Variants in SKAP1 observed in about 807,000 individuals in gnomAD.
SKAP1 encodes src kinase-associated phosphoprotein 1.
SKAP1 carries 44 observed loss-of-function variants against 58.5 expected under a neutral mutation model. The observed-to-expected ratio is 0.75, with a 90% CI of 0.59 to 0.97. The LOEUF is 0.97. Ranked by LOEUF, SKAP1 falls within the 50% of genes least tolerant of loss-of-function variation. The probability of loss-of-function intolerance (pLI) is 0.00; values close to 1 mark genes in which losing one functional copy is unlikely to be tolerated. For missense variants in SKAP1, 390 were observed against 435.2 expected (o/e 0.90, Z 0.92); for synonymous variants, 127 against 149.7 (o/e 0.85, Z 1.11).
At chr17:48,338,033 T>C (rs866148283) in intron 4 of SKAP1, among the ~76,000 whole-genome samples, 11 of 151,770 alleles carry the variant, frequency 7.2e-5, no homozygotes, top group Middle Eastern at 3.4e-3. Context: ...TAGTTCCTTC[T>C]TTCCTTCCTT....
chr17:48,137,548 T>G (rs915010414), intron 11 of SKAP1, among the ~76,000 whole-genome samples: 6 of 152,200 alleles, frequency 3.9e-5, no homozygotes, highest in African/African-American at 1.4e-4. Context: ...CCTGTCTACA[T>G]TGTAAAATTA....
chr17:48,230,243 T>C (rs2065112054), intron 4 of SKAP1, among the ~76,000 whole-genome samples: 1 of 152,220 alleles, frequency 6.6e-6, no homozygotes, highest in Admixed American at 6.5e-5. Context: ...GGCAATGTTC[T>C]TGTGTAACCT....
At chr17:48,400,929 G>A (rs1567899905) in intron 1 of SKAP1, among the ~76,000 whole-genome samples, 1 of 152,012 alleles carries the variant, frequency 6.6e-6, no homozygotes, top group South Asian at 2.1e-4. Context: ...ATCCCAGCTG[G>A]CTTTTTTTGT....
At chr17:48,417,653 G>C (rs1454813479) in intron 1 of SKAP1, among the ~76,000 whole-genome samples, 1 of 151,666 alleles carries the variant, frequency 6.6e-6, no homozygotes, top group Admixed American at 6.6e-5. Context: ...GTGGAGGTGT[G>C]AGAATCACTT....
intron 4 of SKAP1, among the ~76,000 whole-genome samples, chr17:48,239,850 C>CAGAGAG (rs71141976): frequency 0.054 from 6,986 of 129,724 alleles, 224 homozygotes; most frequent in Admixed American, 0.11. Flanking sequence ...GAGAGAGAGA[C>CAGAGAG]AGAGAGAGAG....
At chr17:48,405,057 T>A (rs535630136) in intron 1 of SKAP1, among the ~76,000 whole-genome samples, 3 of 152,122 alleles carry the variant, frequency 2.0e-5, no homozygotes, top group African/African-American at 7.2e-5. Context: ...CTAAAATACA[T>A]ACAATGAAAA....
In SKAP1 at chr17:48,134,003, T is replaced by G. The variant is rs183568230; in HGVS notation, c.*8-187A>C. Among the ~76,000 whole-genome samples the G allele has an allele frequency of 2.6e-3, 401 of 152,328 alleles. 1 individual carries two copies. Among genetic ancestry groups the G allele is most frequent in the African/African-American group, 9.0e-3 (375 of 41,564 alleles). ...ACAAATATAAACAAATAGGTATATA[T>G]AGTCTCCAGTCCTTTTTTATACAAA... is the stretch of plus-strand genomic sequence containing the variant. On this transcript the variant is annotated intron_variant, in intron 12 of 12. Coordinates refer to ENST00000336915, the MANE Select transcript of SKAP1 (RefSeq NM_003726.4).
At chr17:48,316,647 T>C (rs895943830) in intron 4 of SKAP1, among the ~76,000 whole-genome samples, 1 of 152,212 alleles carries the variant, frequency 6.6e-6, no homozygotes, top group African/African-American at 2.4e-5. Context: ...TCCCCAGTAC[T>C]AGTCTAAGGT....
At chr17:48,212,175 T>C (rs2064880788) in intron 4 of SKAP1, among the ~76,000 whole-genome samples, 1 of 152,002 alleles carries the variant, frequency 6.6e-6, no homozygotes, top group Admixed American at 6.6e-5. Flanking sequence ...AAGAGAAGAC[T>C]GCTTAATTCC....
chr17:48,215,862 T>C (rs1186622026), intron 4 of SKAP1, among the ~76,000 whole-genome samples: 1 of 152,116 alleles, frequency 6.6e-6, no homozygotes, highest in Non-Finnish European at 1.5e-5. Context: ...TTTCCTCCTT[T>C]CCTTTCACTG....
intron 6 of SKAP1, chr17:48,185,804 G>A (rs1457295159): frequency 1.3e-5 from 2 of 152,448 alleles, no homozygotes; most frequent in African/African-American, 4.8e-5. Context: ...AAAATGTCAT[G>A]GGCACAGTAA....
intron 7 of SKAP1, among the ~76,000 whole-genome samples, 176 bp downstream of exon 7, chr17:48,184,546 AG>A (rs1416724908): frequency 6.6e-6 from 1 of 152,172 alleles, no homozygotes; most frequent in Non-Finnish European, 1.5e-5. Flanking sequence ...GTGGCAACAG[AG>A]GGGAGGGTGT....
At position 48,363,830 on chromosome 17, in the gene SKAP1, GA is replaced by G. The variant is rs539780871; in HGVS notation, c.153-17del. 3.1e-4 allele frequency: 479 copies of G among 1,556,308 alleles called. No homozygotes were observed. The highest frequency in any genetic ancestry group is 1.9e-3 in the African/African-American group (134 of 72,328). Reference sequence around the variant, plus strand: ...CCAATAGTACCTGAAATACAAGGGGGAAAAAAAAAGGGAATAAGTCAAACTT... The same window carrying G: ...CCAATAGTACCTGAAATACAAGGGGGAAAAAAAAGGGAATAAGTCAAACTT... On this transcript the variant is annotated splice_polypyrimidine_tract_variant and intron_variant, in intron 2 of 12. Coordinates refer to ENST00000336915, the MANE Select transcript of SKAP1 (RefSeq NM_003726.4).
chr17:48,224,068 AAGGAGGAGGAGGAGGAG>A (rs2065038928), intron 4 of SKAP1, among the ~76,000 whole-genome samples: 1 of 19,240 alleles, frequency 5.2e-5, no homozygotes, highest in Non-Finnish European at 9.6e-5. Context: ...GGAGGAGGAG[AAGGAGGAGGAGGAGGAG>A]GAAGAGGAGG....
intron 6 of SKAP1, among the ~76,000 whole-genome samples, chr17:48,186,531 G>A (rs2064455167): frequency 6.6e-6 from 1 of 151,894 alleles, no homozygotes; most frequent in African/African-American, 2.4e-5. Flanking sequence ...TGTTGCCCAG[G>A]GTGGAGTGCA....
intron 4 of SKAP1, among the ~76,000 whole-genome samples, chr17:48,342,824 A>G (rs2066672546): frequency 6.6e-6 from 1 of 152,100 alleles, no homozygotes; most frequent in Non-Finnish European, 1.5e-5. Flanking sequence ...TCTCTACTAA[A>G]AATACAAAAA....
intron 4 of SKAP1, among the ~76,000 whole-genome samples, chr17:48,293,402 C>T (rs752071838): frequency 2.6e-5 from 4 of 152,138 alleles, no homozygotes; most frequent in African/African-American, 4.8e-5. Flanking sequence ...GCCTTCTAAA[C>T]ATTATTTTAA....
At chr17:48,153,693 A>G (rs968914019) in intron 11 of SKAP1, among the ~76,000 whole-genome samples, 4 of 152,020 alleles carry the variant, frequency 2.6e-5, no homozygotes, top group Non-Finnish European at 5.9e-5. Context: ...GCTCTTTGAC[A>G]GGCATTGATC....
At chr17:48,398,409 C>T (rs1567898767) in intron 1 of SKAP1, among the ~76,000 whole-genome samples, 1 of 151,894 alleles carries the variant, frequency 6.6e-6, no homozygotes, top group Non-Finnish European at 1.5e-5. Context: ...CAAGCTCAAG[C>T]CTCCCACTGA....
Sources: allele counts gnomAD v4.1 joint callset (sites outside exome capture counted in the v4.1 genomes callset), GRCh38; gene constraint gnomAD v4.1.1; transcripts MANE v1.5; gene names NCBI Gene and HGNC (gene_info 2026-07-23, HGNC 2026-07-21).